Variants in SREK1 observed in about 807,000 individuals in gnomAD.
SREK1 encodes the protein splicing regulatory glutamic acid and lysine rich protein 1.
Under a neutral mutation model 66.5 loss-of-function variants are expected in SREK1, and 13 were observed. The ratio of observed to expected loss-of-function variants is 0.20; its 90% CI spans 0.13 to 0.31. The LOEUF (loss-of-function observed/expected upper bound fraction) is 0.31. SREK1 is among the 10% of genes least tolerant of loss of function. SREK1 has a pLI of 1.00. For synonymous variants in SREK1, 265 were observed against 263.5 expected, an observed-to-expected ratio of 1.01 and a Z score of -0.05; for missense variants, 607 against 769.6, an observed-to-expected ratio of 0.79 and a Z score of 2.50.
intron 2 of SREK1, among the ~76,000 whole-genome samples, chr5:66,155,690 A>C (rs1580632403): frequency 6.6e-6 from 1 of 152,202 alleles, no homozygotes; most frequent in South Asian, 2.1e-4. Flanking sequence ...AAATTTAAGA[A>C]GTTTTTTCAG....
chr5:66,170,228 A>G (rs1580666138), intron 8 of SREK1, 58 bp downstream of exon 8: 2 of 1,548,146 alleles, frequency 1.3e-6, no homozygotes, highest in South Asian at 2.5e-5. Context: ...GTTAGTGCTA[A>G]GGGATAATAT....
At chr5:66,155,843 G>A (rs930814527) in intron 2 of SREK1, among the ~76,000 whole-genome samples, 1 of 152,126 alleles carries the variant, frequency 6.6e-6, no homozygotes, top group African/African-American at 2.4e-5. Flanking sequence ...AATAAAATAT[G>A]CTTTCATTAT....
At position 66,144,406 on chromosome 5, in the gene SREK1, C is replaced by G. The variant is rs1742964446; in HGVS notation, c.30C>G (p.Gly10=). The G allele has an allele frequency of 6.4e-7, 1 of 1,550,928 alleles. No homozygotes were observed. Among genetic ancestry groups the G allele is most frequent in the South Asian group, 1.2e-5 (1 of 84,036 alleles). ...ACAGCGGCGGCGGCTTCGGTTTGGG[C>G]TTAGGCTTCGGCCTCACCCCCACGT... MNSGGGFGL[G]LGFGLTPTSV... is the part of the protein sequence containing the mutation. Residue 10 remains glycine (G), a synonymous_variant, in exon 1 of 12, where the codon GGC becomes GGG. Transcript: ENST00000334121.
intron 2 of SREK1, chr5:66,157,142 A>T: frequency 2.1e-6 from 2 of 944,252 alleles, no homozygotes; most frequent in Non-Finnish European, 2.5e-6. Flanking sequence ...TTAATTTATT[A>T]AAAAATGTGC....
rs781553204 is a variant in SREK1 at position 66,144,382 on chromosome 5, C to G, written c.6C>G (p.Asn2Lys). 6.5e-7 allele frequency: 1 copy of G among 1,546,996 alleles called. No individual in the cohort carries two copies. The highest frequency in any genetic ancestry group is 1.4e-5 in the African/African-American group (1 of 72,760). The change falls in exon 1 of 12, where the codon AAC becomes AAG. Residue 2 changes from asparagine (N) to lysine (K), a missense_variant. Asn to Lys is a moderately conservative substitution (Grantham distance 94). This residue lies in a region of SREK1 where 75 missense variants were observed against 72.9 expected (regional missense o/e 1.03). Coordinates refer to ENST00000334121, the MANE Select transcript of SREK1 (RefSeq NM_001077199.3). ...GCAACGGCAGCGGGATCGGGATGAACAGCGGCGGCGGCTTCGGTTTGGGCT... is the reference window on the plus strand; with the variant it reads ...GCAACGGCAGCGGGATCGGGATGAAGAGCGGCGGCGGCTTCGGTTTGGGCT... MNSGGGFGLGLG... is the reference protein window; with the variant it reads MKSGGGFGLGLG...
rs2112135638 is a variant in SREK1 at position 66,181,918 on chromosome 5, G to T, written c.*3050G>T. 7.5e-6 allele frequency: 1 copy of T among 134,004 alleles called. No homozygotes were observed. The highest frequency in any genetic ancestry group is 2.7e-5 in the African/African-American group (1 of 37,390). The allele number at this position is 134,004 out of a possible 1,614,324, so 8.3% of individuals were successfully genotyped here. A position where few individuals can be genotyped will look rare whatever the true frequency, so the allele number is the denominator to read the frequency against. On this transcript the variant is annotated 3_prime_UTR_variant, in exon 12 of 12. Transcript: ENST00000334121. ...TTTTTGTCGGGGGGGGGGGGGTCAA[G>T]AGAATTTATTTTGTGATAGTAATAA...
Position 66,181,649 on chromosome 5 carries a change from A to G in SREK1, c.*2781A>G, listed in dbSNP as rs1746495690. 1 of 152,186 alleles carries G rather than the reference A, an allele frequency of 6.6e-6. No individual in the cohort carries two copies. The highest frequency in any genetic ancestry group is 2.4e-5 in the African/African-American group (1 of 41,458). 9.4% of individuals were successfully genotyped at this position (152,186 alleles called of 1,614,324 possible). The stretch of plus-strand genomic sequence containing the variant: ...GTATCATAAGATGGTGCATCAGTTC[A>G]TAAGCTAGTGCATAAGTTTTGTGTC... On this transcript the variant is annotated 3_prime_UTR_variant, in exon 12 of 12. Transcript: ENST00000334121.
chr5:66,156,579 T>C lies in SREK1; in HGVS notation c.296-2640T>C, dbSNP rs912163234. The stretch of plus-strand genomic sequence containing the variant: ...TGATCTCAGCGCAACATTTTTCTAG[T>C]TTTTTTCCCCCCTAGTCTACATCTC... On this transcript the variant is annotated intron_variant, in intron 2 of 11. Transcript: ENST00000334121. 3.3e-4 allele frequency: 320 copies of C among 984,538 alleles called. 1 individual carries two copies. Among genetic ancestry groups the C allele is most frequent in the Non-Finnish European group, 3.4e-4 (281 of 830,028 alleles). 61.0% of individuals were successfully genotyped at this position (984,538 alleles called of 1,614,324 possible).
intron 3 of SREK1, among the ~76,000 whole-genome samples, chr5:66,161,876 T>G (rs1744801440): frequency 6.6e-6 from 1 of 152,144 alleles, no homozygotes; most frequent in Non-Finnish European, 1.5e-5. Flanking sequence ...TCTTTTAGGG[T>G]CAAGTTTAAA....
chr5:66,169,933 G>C lies in SREK1; in HGVS notation c.1002-118G>C, dbSNP rs1030769701. The C allele has an allele frequency of 8.2e-6, 6 of 732,646 alleles. No homozygotes were observed. In the African/African-American group the frequency reaches 1.1e-4, roughly 13 times the overall value. The allele number at this position is 732,646 out of a possible 1,614,324, so 45.4% of individuals were successfully genotyped here. On this transcript the variant is annotated intron_variant, in intron 7 of 11. Transcript: ENST00000334121. ...ATGTATTTCAGATTATGTAACTAAAGTATTATTTAAGAGAAATTTTTAAAA... is the reference window on the plus strand; with the variant it reads ...ATGTATTTCAGATTATGTAACTAAACTATTATTTAAGAGAAATTTTTAAAA...
rs1745577165 is a variant in SREK1 at position 66,170,763 on chromosome 5, G to C, written c.1300G>C (p.Glu434Gln). The change falls in exon 9 of 12, where the codon GAG (glutamate) becomes CAG (glutamine). Residue 434 changes from glutamate to glutamine, a missense_variant. By Grantham distance (29) the Glu-to-Gln change is conservative. This residue lies in a region of SREK1 where 318 missense variants were observed against 310.3 expected (regional missense o/e 1.02). Coordinates refer to ENST00000334121, the MANE Select transcript of SREK1 (RefSeq NM_001077199.3). ...DREKDKEKDR[E>Q]REREKEHEKD... ...GGAAAAAGACAAGGAAAAGGACAGAGAGAGAGAACGGGAAAAAGAGCATGA... is the reference window on the plus strand; with the variant it reads ...GGAAAAAGACAAGGAAAAGGACAGACAGAGAGAACGGGAAAAAGAGCATGA... The C allele has an allele frequency of 1.2e-6, 2 of 1,600,692 alleles. No individual in the cohort carries two copies. The highest frequency in any genetic ancestry group is 1.7e-6 in the Non-Finnish European group (2 of 1,173,088).
chr5:66,157,552 AATAGT>A, intron 2 of SREK1: 1 of 979,406 alleles, frequency 1.0e-6, no homozygotes, highest in Non-Finnish European at 1.2e-6. Flanking sequence ...AATCAATATA[AATAGT>A]ATAGTGTATA....
chr5:66,153,881 A>AG (rs1744061085), intron 2 of SREK1: 1 of 333,784 alleles, frequency 3.0e-6, no homozygotes, highest in Non-Finnish European at 5.4e-6. Flanking sequence ...AAATTAAAAA[A>AG]TAATTGATAT....
At chr5:66,158,654 T>C (rs1744485409) in intron 2 of SREK1, 1 of 449,320 alleles carries the variant, frequency 2.2e-6, no homozygotes, top group Non-Finnish European at 3.5e-6. Context: ...GTAGTTTCAG[T>C]AACAGGATAG....
intron 1 of SREK1, among the ~76,000 whole-genome samples, chr5:66,152,648 T>G (rs947604163): frequency 6.6e-6 from 1 of 152,234 alleles, no homozygotes; most frequent in Non-Finnish European, 1.5e-5. Flanking sequence ...GATTTTAATA[T>G]AAAATCTATG....
At chr5:66,158,751 G>T in intron 2 of SREK1, 3 of 1,231,156 alleles carry the variant, frequency 2.4e-6, no homozygotes, top group Non-Finnish European at 3.2e-6. Context: ...CCATTTCTGG[G>T]GATTAAACTT....
Position 66,164,768 on chromosome 5 carries a change from A to AT in SREK1, c.887-9dup, listed in dbSNP as rs757903156. On this transcript the variant is annotated splice_polypyrimidine_tract_variant and intron_variant, in intron 6 of 11. Transcript: ENST00000334121. The stretch of plus-strand genomic sequence containing the variant: ...TGTTCTGAGCTTACACTGCAAAGTG[A>AT]TTTTTTCCTCCCAGAGTCTGGAAAG... The AT allele has an allele frequency of 2.5e-6, 4 of 1,613,806 alleles. No homozygotes were observed. The highest frequency in any genetic ancestry group is 1.1e-5 in the South Asian group (1 of 91,076).
chr5:66,164,464 T>A, intron 6 of SREK1: 1 of 801,394 alleles, frequency 1.2e-6, no homozygotes, highest in Non-Finnish European at 1.8e-6. Flanking sequence ...GAATTTAAGC[T>A]TCAAATTCTA....
chr5:66,150,649 A>G (rs944364750), intron 1 of SREK1, among the ~76,000 whole-genome samples: 3 of 152,230 alleles, frequency 2.0e-5, no homozygotes, highest in African/African-American at 7.2e-5. Context: ...AGTAATCCAC[A>G]TGAGAAATGA....
Sources: gnomAD v4.1 joint callset for allele counts (sites outside exome capture counted in the v4.1 genomes callset) on GRCh38, gnomAD v4.1.1 for gene constraint, gnomAD v4.1.1 regional missense constraint, MANE v1.5 for transcripts, NCBI Gene and HGNC (gene_info 2026-07-23, HGNC 2026-07-21) for gene names.